MALL: variants seen among roughly 807,000 people sequenced by gnomAD.
MALL encodes the protein MAL-like protein.
In MALL, 2 loss-of-function variants were observed where a neutral mutation model predicts 10.3. The ratio of observed to expected loss-of-function variants is 0.19; its 90% confidence interval spans 0.08 to 0.61. The LOEUF is 0.61. Among genes scored for constraint, MALL ranks in the 20% least tolerant of loss-of-function variants. MALL has a pLI of 0.88. For missense variants in MALL, 39 were observed against 115.2 expected (o/e 0.34, Z 3.03); for synonymous variants, 27 against 51.8 (o/e 0.52, Z 2.05).
At chr2:110,100,081 C>T (rs544132050) in intron 1 of MALL, among the ~76,000 whole-genome samples, 1 of 152,152 alleles carries the variant, frequency 6.6e-6, no homozygotes, top group Admixed American at 6.5e-5. Context: ...TTATGCTGGG[C>T]TCCCCAAGCC....
intron 1 of MALL, among the ~76,000 whole-genome samples, chr2:110,109,158 TAGAC>T (rs1678752437): frequency 6.6e-6 from 1 of 151,982 alleles, no homozygotes; most frequent in African/African-American, 2.4e-5. Context: ...ATAACCAAAG[TAGAC>T]AGGCAACAAA....
intron 1 of MALL, chr2:110,097,494 C>G: frequency 2.2e-6 from 1 of 456,628 alleles, no homozygotes; most frequent in South Asian, 1.5e-5. Flanking sequence ...AGTGGATCTG[C>G]TCACCTGCAC....
At chr2:110,099,679 G>T (rs950273585) in intron 1 of MALL, among the ~76,000 whole-genome samples, 2 of 152,144 alleles carry the variant, frequency 1.3e-5, no homozygotes, top group African/African-American at 4.8e-5. Flanking sequence ...CCCTACTAGG[G>T]ATACATACTT....
In MALL at chr2:110,101,345, G is replaced by A. The variant is rs565172456; in HGVS notation, c.106-9575C>T. On this transcript the variant is annotated intron_variant, in intron 1 of 3. Transcript: ENST00000272462. The stretch of plus-strand genomic sequence containing the variant: ...TCAACCTAGCACACTTCCAAACCCT[G>A]AGTCACTGCGTCCTGACTCATGGAG... Among the ~76,000 whole-genome samples the A allele has an allele frequency of 2.6e-4, 40 of 152,238 alleles. 1 individual carries two copies. In the South Asian group the frequency reaches 8.3e-3, roughly 32 times the overall value.
At chr2:110,103,354 GGGCCCGA>G (rs1678617601) in intron 1 of MALL, among the ~76,000 whole-genome samples, 1 of 152,152 alleles carries the variant, frequency 6.6e-6, no homozygotes, top group African/African-American at 2.4e-5. Flanking sequence ...GAGGCAAAGG[GGGCCCGA>G]GGCTAGGGGC....
chr2:110,101,779 CTAA>C (rs779942160), intron 1 of MALL, among the ~76,000 whole-genome samples: 9 of 152,128 alleles, frequency 5.9e-5, no homozygotes, highest in Non-Finnish European at 1.2e-4. Context: ...ATAAAATTGA[CTAA>C]TGAGAACATT....
At chr2:110,103,560 C>T (rs574744548) in intron 1 of MALL, among the ~76,000 whole-genome samples, 1 of 152,338 alleles carries the variant, frequency 6.6e-6, no homozygotes, top group South Asian at 2.1e-4. Context: ...AGGGAGACAG[C>T]TCCTGGGAAT....
At chr2:110,106,023 C>T (rs1559032285) in intron 1 of MALL, among the ~76,000 whole-genome samples, 2 of 152,148 alleles carry the variant, frequency 1.3e-5, no homozygotes. Flanking sequence ...TTATCTCTGA[C>T]TAATGTGCTG....
chr2:110,091,645 G>A lies in MALL; in HGVS notation c.231C>T (p.Tyr77=), dbSNP rs3849324. 0.055 allele frequency: 85,584 copies of A among 1,565,144 alleles called. 69 individuals carry two copies. The highest frequency in any genetic ancestry group is 0.11 in the African/African-American group (8,044 of 71,466). ...FLISLMFLLS[Y]LFGFYKRFES... ...CAAATCTTTTGTAAAATCCAAACAA[G>A]TAAGACAACAGGAACATCAAGGAGA... The change falls in exon 2 of 4, where the codon TAC becomes TAT. Residue 77 remains tyrosine, a synonymous_variant. Transcript: ENST00000272462.
intron 1 of MALL, among the ~76,000 whole-genome samples, chr2:110,114,125 C>T (rs909209017): frequency 5.3e-5 from 8 of 152,162 alleles, no homozygotes; most frequent in African/African-American, 1.9e-4. Context: ...CCAGAAACTC[C>T]GTGCCTCTAG....
At chr2:110,095,640 C>T (rs529907219) in intron 1 of MALL, among the ~76,000 whole-genome samples, 53 of 150,654 alleles carry the variant, frequency 3.5e-4, no homozygotes, top group Non-Finnish European at 5.6e-4. Flanking sequence ...TTAAATTTAA[C>T]GATGTAGTGT....
chr2:110,112,976 G>A (rs1320064852), intron 1 of MALL, among the ~76,000 whole-genome samples: 1 of 151,626 alleles, frequency 6.6e-6, no homozygotes, highest in Non-Finnish European at 1.5e-5. Flanking sequence ...ACCTGGATGA[G>A]CTCGGAGACT....
upstream of MALL, chr2:110,116,362 G>A (rs189675205): frequency 6.6e-6 from 1 of 152,590 alleles, no homozygotes; most frequent in African/African-American, 2.4e-5. Context: ...ACAGCTCTCA[G>A]TCCCCAGCCT....
At chr2:110,114,268 G>A (rs1004124305) in intron 1 of MALL, among the ~76,000 whole-genome samples, 1 of 152,072 alleles carries the variant, frequency 6.6e-6, no homozygotes, top group Non-Finnish European at 1.5e-5. Flanking sequence ...GAGTTCAGAT[G>A]GTCCCTCCTT....
At chr2:110,097,612 C>A (rs1243010770) in intron 1 of MALL, 2 of 453,184 alleles carry the variant, frequency 4.4e-6, no homozygotes, top group South Asian at 3.1e-5. Context: ...GCCCTGGGAA[C>A]CGTGAAGGAT....
chr2:110,116,843 C>A (rs554820783), upstream of MALL, among the ~76,000 whole-genome samples: 1 of 152,190 alleles, frequency 6.6e-6, no homozygotes, highest in Non-Finnish European at 1.5e-5. Flanking sequence ...CTTCCTGCCC[C>A]CTGCTGCTCC....
intron 1 of MALL, among the ~76,000 whole-genome samples, chr2:110,104,641 C>T (rs1235544812): frequency 6.6e-6 from 1 of 152,178 alleles, no homozygotes; most frequent in Non-Finnish European, 1.5e-5. Flanking sequence ...TCCAAGCCCT[C>T]CAAGAATGTC....
intron 1 of MALL, 90 bp downstream of exon 1, chr2:110,115,598 G>T: frequency 1.6e-6 from 1 of 640,946 alleles, no homozygotes. Flanking sequence ...GGTCCGGTCT[G>T]GGTCTCTCTC....
At chr2:110,102,910 C>G (rs1678604354) in intron 1 of MALL, among the ~76,000 whole-genome samples, 1 of 152,156 alleles carries the variant, frequency 6.6e-6, no homozygotes, top group Admixed American at 6.5e-5. Context: ...GGACAGTGCT[C>G]AAATAAATAC....
Sources: gnomAD v4.1 joint callset for allele counts (sites outside exome capture counted in the v4.1 genomes callset) on GRCh38, gnomAD v4.1.1 for gene constraint, MANE v1.5 for transcripts, NCBI Gene and HGNC (gene_info 2026-07-23, HGNC 2026-07-21) for gene names.